The following GOLGB1 variants were observed in gnomAD, a reference collection of about 807,000 sequenced individuals.
The protein encoded by GOLGB1 is golgin B1.
Under a neutral mutation model 336.9 loss-of-function variants are expected in GOLGB1, and 174 were observed. That is an observed-to-expected ratio of 0.52 (90% CI 0.46 to 0.59). The LOEUF (loss-of-function observed/expected upper bound fraction) is 0.59, where lower values mean the gene tolerates loss of function less well. Ranked by LOEUF, GOLGB1 falls within the 20% of genes least tolerant of loss-of-function variation. The probability of loss-of-function intolerance (pLI) is 0.00; values close to 1 mark genes in which losing one functional copy is unlikely to be tolerated. For missense variants in GOLGB1, 3,331 were observed against 3,645.3 expected (o/e 0.91, Z 2.22); for synonymous variants, 1,208 against 1,289.2 (o/e 0.94, Z 1.35).
At chr3:121,730,373 TCAGAAA>T (rs1945999101) in intron 2 of GOLGB1, among the ~76,000 whole-genome samples, 1 of 152,128 alleles carries the variant, frequency 6.6e-6, no homozygotes. Flanking sequence ...TCTTGTCTTT[TCAGAAA>T]ACTAAGAAGT....
intron 10 of GOLGB1, among the ~76,000 whole-genome samples, chr3:121,703,218 T>C (rs1943550168): frequency 6.6e-6 from 1 of 152,234 alleles, no homozygotes; most frequent in South Asian, 2.1e-4. Flanking sequence ...AAAATTTTCA[T>C]ACAATTGTAG....
At chr3:121,693,347 G>C (rs184670326) in intron 13 of GOLGB1, among the ~76,000 whole-genome samples, 18 of 152,254 alleles carry the variant, frequency 1.2e-4, no homozygotes, top group Non-Finnish European at 1.5e-4. Flanking sequence ...AATTAGCTGG[G>C]CGTGTTGGTA....
rs1342035709 is a variant in GOLGB1 at position 121,694,327 on chromosome 3, C to T, written c.6196G>A (p.Glu2066Lys). ...TGTTCAACTGCTTGAGCCAGATTTT[C>T]TTTGGTTATTTCCAAATCTTTTTGA... ...ESQKDLEITKENLAQAVEHRK... is the reference protein window; with the variant it reads ...ESQKDLEITKKNLAQAVEHRK... The change falls in exon 13 of 22, where the codon GAA (glutamate) becomes AAA (lysine). Residue 2066 changes from glutamate (E) to lysine (K), a missense_variant. Glu to Lys is a moderately conservative substitution (Grantham distance 56). Coordinates refer to ENST00000614479, the MANE Select transcript of GOLGB1 (RefSeq NM_001366282.2). 1.2e-6 allele frequency: 2 copies of T among 1,611,416 alleles called. No homozygotes were observed. The highest frequency in any genetic ancestry group is 3.3e-5 in the Admixed American group (2 of 59,788).
Position 121,690,869 on chromosome 3 carries a change from G to C in GOLGB1, c.8495C>G (p.Ser2832Cys). 6.2e-7 allele frequency: 1 copy of C among 1,614,088 alleles called. No individual in the cohort carries two copies. The highest frequency in any genetic ancestry group is 8.5e-7 in the Non-Finnish European group (1 of 1,179,942). ...LLHLSSQLED[S>C]YNQVQSFSKA... is the part of the protein sequence containing the mutation. ...GGAAAAGGACTGCACTTGGTTATAA[G>C]AATCTTCTAGTTGTGAGGACAAGTG... Residue 2832 changes from serine to cysteine, a missense_variant, in exon 14 of 22, where the codon TCT becomes TGT. Coordinates refer to ENST00000614479, the MANE Select transcript of GOLGB1 (RefSeq NM_001366282.2).
At chr3:121,665,142 A>G in intron 20 of GOLGB1, 111 bp from the exon 21 acceptor site, 1 of 657,620 alleles carries the variant, frequency 1.5e-6, no homozygotes, top group Non-Finnish European at 2.7e-6. Flanking sequence ...GGAGACTTGC[A>G]GCAAAAGCTG....
At position 121,740,509 on chromosome 3, in the gene GOLGB1, A is replaced by G. The variant is rs575543269; in HGVS notation, c.-3+9123T>C. Among the ~76,000 whole-genome samples, 10 of 152,354 alleles carry G rather than the reference A, an allele frequency of 6.6e-5. No homozygotes were observed. The South Asian group carries it at 1.9e-3, about 28-fold the overall frequency. ...GAACAACGTCTGGAGTTCAGTTAATATTAATGTACCAATGTTGGTTTCTTA... is the reference window on the plus strand; with the variant it reads ...GAACAACGTCTGGAGTTCAGTTAATGTTAATGTACCAATGTTGGTTTCTTA... On this transcript the variant is annotated intron_variant, in intron 1 of 21. Coordinates refer to ENST00000614479, the MANE Select transcript of GOLGB1 (RefSeq NM_001366282.2).
Position 121,677,027 on chromosome 3 carries a change from A to T in GOLGB1, c.9043T>A (p.Ser3015Thr). The T allele has an allele frequency of 4.3e-6, 7 of 1,613,890 alleles. No individual in the cohort carries two copies. Among genetic ancestry groups the T allele is most frequent in the Non-Finnish European group, 5.9e-6 (7 of 1,179,876 alleles). The part of the protein sequence containing the change: ...PLKVQYQRQA[S>T]PETSASPDGS... ...TCTGGGGAAGCTGATGTCTCTGGGG[A>T]TGCCTGCCAGGACACAAACATTGAT... Residue 3015 changes from serine (S) to threonine (T), a missense_variant, in exon 17 of 22, where the codon TCC becomes ACC. Ser to Thr is a moderately conservative substitution (Grantham distance 58). Transcript: ENST00000614479.
chr3:121,695,459 T>C lies in GOLGB1; in HGVS notation c.5064A>G (p.Lys1688=), dbSNP rs201169960. ...GCTCTAGGATTTTCTGCTGTTTAGA[T>C]TTAGCAAACTTTCTCATCTTTTCTT... ...EMKEKMRKFA[K]SKQQKILELE... is the part of the protein sequence containing the mutation. The change falls in exon 13 of 22, where the codon AAA becomes AAG. Residue 1688 remains lysine, a synonymous_variant. Transcript: ENST00000614479. 2 of 1,614,014 alleles carry C rather than the reference T, an allele frequency of 1.2e-6. No individual in the cohort carries two copies. Among genetic ancestry groups the C allele is most frequent in the African/African-American group, 2.7e-5 (2 of 74,930 alleles).
chr3:121,726,975 C>T lies in GOLGB1; in HGVS notation c.469G>A (p.Glu157Lys). The T allele has an allele frequency of 6.2e-7, 1 of 1,604,646 alleles. No individual in the cohort carries two copies. The highest frequency in any genetic ancestry group is 8.5e-7 in the Non-Finnish European group (1 of 1,173,454). ...GCTTGCAAAGTGCTGATTAGTTCCT[C>T]CTTCTCCTGGAGCTTATGTTTTATC... Reference protein sequence around the residue: ...EKIKHKLQEKEELISTLQAQL... With the variant: ...EKIKHKLQEKKELISTLQAQL... Residue 157 changes from glutamate (E) to lysine (K), a missense_variant, in exon 5 of 22, where the codon GAG becomes AAG. By Grantham distance (56) the Glu-to-Lys change is moderately conservative. Coordinates refer to ENST00000614479, the MANE Select transcript of GOLGB1 (RefSeq NM_001366282.2).
chr3:121,664,945 G>A lies in GOLGB1; in HGVS notation c.9641C>T (p.Thr3214Ile), dbSNP rs138614748. 2.1e-4 allele frequency: 331 copies of A among 1,599,074 alleles called. 1 individual carries two copies. The highest frequency in any genetic ancestry group is 2.6e-4 in the Non-Finnish European group (305 of 1,166,498). ...TQEQALLIDL[T>I]SNSCRRTRSG... Reference sequence around the variant, plus strand: ...TCTTACCCTTCGACAACTGTTGCTTGTAAGATCTATTAACAGTGCCTGCTC... The same window carrying A: ...TCTTACCCTTCGACAACTGTTGCTTATAAGATCTATTAACAGTGCCTGCTC... The change falls in exon 21 of 22, where the codon ACA becomes ATA. Residue 3214 changes from threonine (T) to isoleucine (I), a missense_variant. Thr to Ile is a moderately conservative substitution (Grantham distance 89). Coordinates refer to ENST00000614479, the MANE Select transcript of GOLGB1 (RefSeq NM_001366282.2).
intron 10 of GOLGB1, among the ~76,000 whole-genome samples, chr3:121,710,647 T>G (rs944825100): frequency 6.6e-6 from 1 of 152,122 alleles, no homozygotes. Flanking sequence ...TGTACCAGCC[T>G]GGGCAACATG....
At position 121,683,053 on chromosome 3, in the gene GOLGB1, ATT is replaced by A. The variant is rs746649684; in HGVS notation, c.8695-1190_8695-1189del. On this transcript the variant is annotated intron_variant, in intron 14 of 21. Transcript: ENST00000614479. ...GCTGCTTAAGAAGCAATTTCTTTTAATTTTTTTTTTTTTTTTTTTTTTTTTTT... is the reference window on the plus strand; with the variant it reads ...GCTGCTTAAGAAGCAATTTCTTTTAATTTTTTTTTTTTTTTTTTTTTTTTT... 1.6e-3 allele frequency among the ~76,000 whole-genome samples: 132 copies of A among 82,486 alleles called. 1 individual carries two copies. Among genetic ancestry groups the A allele is most frequent in the African/African-American group, 3.6e-3 (77 of 21,332 alleles). 54.1% of individuals were successfully genotyped at this position (82,486 alleles called of 152,430 possible).
Position 121,696,913 on chromosome 3 carries a change from T to G in GOLGB1, c.3610A>C (p.Arg1204=). ...TGCTTTAGCTCCTCCCTGAGATGTC[T>G]TTCTTTCTCCTGTGCCTTTTTAAGA... ...AILKKAQEKE[R]HLREELKQQK... Residue 1204 remains arginine, a synonymous_variant, in exon 13 of 22, where the codon AGA becomes CGA. Transcript: ENST00000614479. 6.2e-7 allele frequency: 1 copy of G among 1,614,172 alleles called. No homozygotes were observed. The highest frequency in any genetic ancestry group is 8.5e-7 in the Non-Finnish European group (1 of 1,179,986).
intron 14 of GOLGB1, among the ~76,000 whole-genome samples, chr3:121,689,634 C>A: frequency 6.9e-6 from 1 of 144,906 alleles, no homozygotes; most frequent in South Asian, 2.2e-4. Flanking sequence ...GAGAAACACC[C>A]AAGAATGATC....
chr3:121,725,138 T>C (rs904717118), intron 5 of GOLGB1, among the ~76,000 whole-genome samples: 11 of 151,478 alleles, frequency 7.3e-5, no homozygotes, highest in Non-Finnish European at 1.3e-4. Flanking sequence ...AAATGAGGGG[T>C]TGGAATTGCC....
chr3:121,664,693 A>G (rs1938351589), intron 21 of GOLGB1, 79 bp from the exon 22 acceptor site: 3 of 1,391,182 alleles, frequency 2.2e-6, no homozygotes, highest in Middle Eastern at 1.8e-4. Context: ...TCTTGCACTT[A>G]AGCAAAGCTG....
chr3:121,677,154 A>G, intron 16 of GOLGB1, 124 bp from the exon 17 acceptor site: 1 of 1,256,938 alleles, frequency 8.0e-7, no homozygotes. Flanking sequence ...TAATAGTGGC[A>G]GATGGGCACT....
intron 21 of GOLGB1, 28 bp from the exon 22 acceptor site, chr3:121,664,642 G>C: frequency 6.2e-7 from 1 of 1,609,954 alleles, no homozygotes; most frequent in South Asian, 1.1e-5. Context: ...AAGTCAGAGA[G>C]TTTTCACCCT....
At chr3:121,692,750 T>A (rs1560218268) in intron 13 of GOLGB1, among the ~76,000 whole-genome samples, 169 bp from the exon 14 acceptor site, 1 of 152,264 alleles carries the variant, frequency 6.6e-6, no homozygotes, top group Non-Finnish European at 1.5e-5. Flanking sequence ...TACATGTTTA[T>A]CTACTGAGTG....
Sources: allele counts gnomAD v4.1 joint callset (sites outside exome capture counted in the v4.1 genomes callset), GRCh38; gene constraint gnomAD v4.1.1; transcripts MANE v1.5; gene names NCBI Gene and HGNC (gene_info 2026-07-23, HGNC 2026-07-21).